PRORP: variants seen among roughly 807,000 people sequenced by gnomAD.
PRORP encodes the protein mitochondrial ribonuclease P catalytic subunit.
In PRORP, 51 loss-of-function variants were observed where a neutral mutation model predicts 59.4. The ratio of observed to expected loss-of-function variants is 0.86; its 90% CI spans 0.69 to 1.08. The LOEUF is 1.08. Ranked by LOEUF, PRORP falls within the 50% of genes least tolerant of loss-of-function variation. PRORP has a pLI of 0.00. For missense variants in PRORP, 646 were observed against 690.3 expected (o/e 0.94, Z 0.72); for synonymous variants, 231 against 245.6 (o/e 0.94, Z 0.55).
chr14:35,144,665 A>G (rs1010535101), intron 4 of PRORP, among the ~76,000 whole-genome samples: 30 of 146,134 alleles, frequency 2.1e-4, no homozygotes, highest in African/African-American at 6.8e-4. Context: ...CTTTGATACT[A>G]TGCCCAAACT....
intron 5 of PRORP, among the ~76,000 whole-genome samples, chr14:35,218,432 G>A (rs1225564516): frequency 1.7e-5 from 2 of 118,992 alleles, no homozygotes; most frequent in Admixed American, 2.1e-4. Context: ...CTGCATAGTA[G>A]CCTGGGCAAC....
At chr14:35,127,694 A>G in intron 4 of PRORP, 83 bp downstream of exon 4, 1 of 1,464,330 alleles carries the variant, frequency 6.8e-7, no homozygotes, top group Non-Finnish European at 9.4e-7. Flanking sequence ...CAGATACTAA[A>G]TATTTTAGGC....
intron 4 of PRORP, among the ~76,000 whole-genome samples, chr14:35,175,059 A>G (rs1032993772): frequency 5.3e-5 from 8 of 151,924 alleles, no homozygotes; most frequent in Non-Finnish European, 1.2e-4. Flanking sequence ...ATGTCCTTAC[A>G]AAGGACATGA....
At chr14:35,167,317 T>C (rs74043851) in intron 4 of PRORP, among the ~76,000 whole-genome samples, 28,042 of 152,160 alleles carry the variant, frequency 0.18, 2,834 homozygotes, top group Admixed American at 0.27. Flanking sequence ...TATTGCAGCC[T>C]TTTTTCTTAA....
At chr14:35,138,597 A>G (rs955164340) in intron 4 of PRORP, among the ~76,000 whole-genome samples, 2 of 145,184 alleles carry the variant, frequency 1.4e-5, no homozygotes, top group Non-Finnish European at 3.1e-5. Context: ...AATTTTGCCA[A>G]CTGACCTCCA....
intron 5 of PRORP, among the ~76,000 whole-genome samples, chr14:35,258,939 T>A (rs1407997011): frequency 1.3e-5 from 2 of 152,234 alleles, no homozygotes; most frequent in Non-Finnish European, 2.9e-5. Context: ...CTACTTCCTT[T>A]GCCTTTACTG....
chr14:35,212,188 A>G (rs1566500409), intron 5 of PRORP, among the ~76,000 whole-genome samples: 1 of 152,160 alleles, frequency 6.6e-6, no homozygotes, highest in Non-Finnish European at 1.5e-5. Flanking sequence ...TGCTGTTTCC[A>G]CATCTGCAGC....
chr14:35,237,821 T>A (rs531318866), intron 5 of PRORP, among the ~76,000 whole-genome samples: 16 of 151,882 alleles, frequency 1.1e-4, no homozygotes, highest in African/African-American at 2.9e-4. Flanking sequence ...CCCGGCTAAT[T>A]TTTTTTGTAT....
chr14:35,122,042 G>A (rs1404938911), upstream of PRORP: 1 of 1,509,164 alleles, frequency 6.6e-7, no homozygotes, highest in Non-Finnish European at 9.2e-7. Flanking sequence ...GCACCGCCAG[G>A]CCCCGTAAAG....
chr14:35,272,884 C>CATCCTCCTGT (rs1364363594), intron 7 of PRORP, among the ~76,000 whole-genome samples: 1 of 152,180 alleles, frequency 6.6e-6, no homozygotes, highest in African/African-American at 2.4e-5. Flanking sequence ...AACCTACACA[C>CATCCTCCTGT]ATCCTCCTGT....
intron 4 of PRORP, among the ~76,000 whole-genome samples, chr14:35,133,782 A>T (rs551361181): frequency 6.6e-6 from 1 of 152,296 alleles, no homozygotes; most frequent in African/African-American, 2.4e-5. Flanking sequence ...AATTCTCTGG[A>T]TTACTAGGCA....
intron 4 of PRORP, among the ~76,000 whole-genome samples, chr14:35,162,702 T>C (rs1290793219): frequency 6.6e-6 from 1 of 152,096 alleles, no homozygotes; most frequent in Admixed American, 6.5e-5. Flanking sequence ...GAAAGATTTT[T>C]TCTGTTGCAA....
At chr14:35,177,953 C>T (rs2048496811) in intron 4 of PRORP, among the ~76,000 whole-genome samples, 2 of 152,126 alleles carry the variant, frequency 1.3e-5, no homozygotes, top group African/African-American at 4.8e-5. Flanking sequence ...TGTCTTTGTT[C>T]TCATTGGTTT....
intron 5 of PRORP, among the ~76,000 whole-genome samples, chr14:35,208,311 A>T (rs947404147): frequency 6.6e-6 from 1 of 152,096 alleles, no homozygotes; most frequent in East Asian, 1.9e-4. Flanking sequence ...CATAGTGGTG[A>T]GCGCTTGTAG....
chr14:35,123,951 A>C lies in PRORP; in HGVS notation c.706A>C (p.Ile236Leu), dbSNP rs774564773. 27 of 1,614,060 alleles carry C rather than the reference A, an allele frequency of 1.7e-5. No individual in the cohort carries two copies. Among genetic ancestry groups the C allele is most frequent in the Non-Finnish European group, 2.0e-5 (24 of 1,180,026 alleles). Residue 236 changes from isoleucine to leucine, a missense_variant, in exon 2 of 8, where the codon ATC becomes CTC. Ile to Leu is a conservative substitution (Grantham distance 5). Coordinates refer to ENST00000534898, the MANE Select transcript of PRORP (RefSeq NM_014672.4). ...AGAAGCATTGTTGCTGTTAGAGGACATCAAAAAAGTTATAACTCCTTCAAA... is the reference window on the plus strand; with the variant it reads ...AGAAGCATTGTTGCTGTTAGAGGACCTCAAAAAAGTTATAACTCCTTCAAA... ...WREALLLLED[I>L]KKVITPSKKN... is the part of the protein sequence containing the mutation.
chr14:35,238,118 T>G (rs538618191), intron 5 of PRORP, among the ~76,000 whole-genome samples: 1 of 152,222 alleles, frequency 6.6e-6, no homozygotes, highest in African/African-American at 2.4e-5. Flanking sequence ...GGCACTGTGC[T>G]TAAACAATCC....
At chr14:35,190,200 A>C (rs1425536119) in intron 5 of PRORP, among the ~76,000 whole-genome samples, 2 of 151,756 alleles carry the variant, frequency 1.3e-5, no homozygotes, top group Non-Finnish European at 2.9e-5. Context: ...GGAGTTCAAG[A>C]CCAGCCTGGC....
chr14:35,221,291 A>G (rs1370734552), intron 5 of PRORP, among the ~76,000 whole-genome samples: 1 of 152,236 alleles, frequency 6.6e-6, no homozygotes, highest in Non-Finnish European at 1.5e-5. Flanking sequence ...GTTTATTAAA[A>G]TCATAATTGA....
chr14:35,246,253 G>T (rs2050481050), intron 5 of PRORP, among the ~76,000 whole-genome samples: 1 of 152,130 alleles, frequency 6.6e-6, no homozygotes, highest in Non-Finnish European at 1.5e-5. Context: ...CTTATTTGGG[G>T]AGATGTTCGT....
Sources: allele counts gnomAD v4.1 joint callset (sites outside exome capture counted in the v4.1 genomes callset), GRCh38; gene constraint gnomAD v4.1.1; transcripts MANE v1.5; gene names NCBI Gene and HGNC (gene_info 2026-07-23, HGNC 2026-07-21).